INO80: variants seen among roughly 807,000 people sequenced by gnomAD.
INO80 encodes chromatin-remodeling ATPase INO80.
INO80 carries 20 observed loss-of-function variants against 203.4 expected under a neutral mutation model. The observed-to-expected ratio is 0.10, with a 90% CI of 0.07 to 0.14. The LOEUF is 0.14. Among genes scored for constraint, INO80 ranks in the 10% least tolerant of loss-of-function variants. The pLI is 1.00. For missense variants in INO80, 1,419 were observed against 1,914.4 expected (o/e 0.74, Z 4.83); for synonymous variants, 726 against 685.2 (o/e 1.06, Z -0.93).
chr15:41,062,986 C>T (rs2045140154), intron 14 of INO80, among the ~76,000 whole-genome samples: 1 of 152,030 alleles, frequency 6.6e-6, no homozygotes, highest in African/African-American at 2.4e-5. Flanking sequence ...AGGAGAGAAC[C>T]AAAACACTGG....
At chr15:41,003,175 G>GA (rs1230573407) in intron 28 of INO80, among the ~76,000 whole-genome samples, 1 of 151,838 alleles carries the variant, frequency 6.6e-6, no homozygotes, top group Non-Finnish European at 1.5e-5. Context: ...AATGATATAT[G>GA]AAAATGGTTA....
At chr15:41,070,762 A>G (rs7172555) in intron 12 of INO80, among the ~76,000 whole-genome samples, 18,056 of 152,270 alleles carry the variant, frequency 0.12, 3,192 homozygotes, top group African/African-American at 0.39. Context: ...GGCAAGGCCA[A>G]TCTGTTAGCT....
intron 1 of INO80, among the ~76,000 whole-genome samples, chr15:41,106,630 A>C (rs1222236555): frequency 2.0e-5 from 3 of 152,146 alleles, no homozygotes; most frequent in Non-Finnish European, 4.4e-5. Flanking sequence ...CCCTGTCTCA[A>C]CAAAAAAAAA....
At chr15:41,027,970 T>C (rs903315200) in intron 24 of INO80, 16 of 296,268 alleles carry the variant, frequency 5.4e-5, no homozygotes, top group Non-Finnish European at 9.3e-5. Context: ...TTTATAATTC[T>C]ACCTTTTTCT....
intron 1 of INO80, among the ~76,000 whole-genome samples, chr15:41,102,223 C>T (rs73399100): frequency 0.052 from 7,918 of 152,144 alleles, 603 homozygotes; most frequent in African/African-American, 0.16. Context: ...TCTTATGTCA[C>T]TTATTATGGG....
At chr15:40,990,039 AAAT>A (rs1213249527) in intron 29 of INO80, among the ~76,000 whole-genome samples, 1 of 152,118 alleles carries the variant, frequency 6.6e-6, no homozygotes, top group Non-Finnish European at 1.5e-5. Flanking sequence ...TTCCTATTAG[AAAT>A]AATAATGGCT....
chr15:41,070,252 G>A (rs1156486210), intron 13 of INO80, among the ~76,000 whole-genome samples: 2 of 152,222 alleles, frequency 1.3e-5, no homozygotes, highest in Non-Finnish European at 2.9e-5. Context: ...GCGGAAAGGA[G>A]TGTCTCAAAA....
intron 9 of INO80, among the ~76,000 whole-genome samples, chr15:41,076,046 A>C (rs961587263): frequency 2.6e-5 from 4 of 152,222 alleles, no homozygotes; most frequent in Non-Finnish European, 2.9e-5. Flanking sequence ...ACAGGAAGGA[A>C]CAAAATACTC....
chr15:40,990,592 G>A (rs556992813), intron 29 of INO80, among the ~76,000 whole-genome samples: 4 of 152,300 alleles, frequency 2.6e-5, no homozygotes, highest in Admixed American at 6.5e-5. Flanking sequence ...AACTGCTGGC[G>A]AAAGAAAGTC....
intron 29 of INO80, among the ~76,000 whole-genome samples, chr15:40,989,367 T>G (rs1259358865): frequency 6.6e-6 from 1 of 152,166 alleles, no homozygotes; most frequent in East Asian, 1.9e-4. Flanking sequence ...ACTAAGTGAG[T>G]GATCCTAAAA....
intron 12 of INO80, among the ~76,000 whole-genome samples, chr15:41,071,448 C>CTTTTTTTTTTTTTTTTTTTTTTTTTTTTT: frequency 1.1e-5 from 1 of 87,062 alleles, no homozygotes; most frequent in Non-Finnish European, 2.2e-5. Flanking sequence ...TACTCATTTC[C>CTTTTTTTTTTTTTTTTTTTTTTTTTTTTT]TTTTTTTTTT....
intron 9 of INO80, among the ~76,000 whole-genome samples, chr15:41,078,044 C>T (rs562901737): frequency 2.0e-5 from 3 of 151,904 alleles, no homozygotes; most frequent in Admixed American, 6.6e-5. Flanking sequence ...AGATTACAGG[C>T]GGCCGCCACC....
At chr15:41,055,943 T>TG (rs1172532415) in intron 17 of INO80, among the ~76,000 whole-genome samples, 2 of 108,616 alleles carry the variant, frequency 1.8e-5, no homozygotes, top group African/African-American at 3.1e-5. Context: ...TTTCTTCTTT[T>TG]GGTTTTTTTT....
At chr15:41,084,457 G>A (rs1245729340) in intron 7 of INO80, among the ~76,000 whole-genome samples, 3 of 152,124 alleles carry the variant, frequency 2.0e-5, no homozygotes, top group Non-Finnish European at 4.4e-5. Flanking sequence ...TACTTGGAAG[G>A]CTAAGGAAGG....
chr15:41,049,140 T>C (rs748567887), intron 21 of INO80, 147 bp downstream of exon 21: 7 of 637,650 alleles, frequency 1.1e-5, no homozygotes, highest in Non-Finnish European at 1.5e-5. Flanking sequence ...ATTCCTTCCA[T>C]AAGATCCCTC....
At chr15:41,074,652 A>T (rs1313866595) in intron 9 of INO80, 87 bp from the exon 10 acceptor site, 3 of 865,272 alleles carry the variant, frequency 3.5e-6, no homozygotes, top group Admixed American at 2.9e-5. Context: ...ATTTGCATAC[A>T]ATTCCTTTAC....
chr15:41,014,323 T>C (rs906324489), intron 27 of INO80, among the ~76,000 whole-genome samples: 1 of 152,200 alleles, frequency 6.6e-6, no homozygotes, highest in Non-Finnish European at 1.5e-5. Flanking sequence ...TGTTAGCAGC[T>C]GAAGATCACT....
chr15:41,105,772 CTT>C (rs546392788), intron 1 of INO80, among the ~76,000 whole-genome samples: 64 of 152,282 alleles, frequency 4.2e-4, no homozygotes, highest in Admixed American at 1.2e-3. Flanking sequence ...CCACTGGAAA[CTT>C]TCAGTTGGTT....
rs554134669 is a variant in INO80, at chr15:41,042,718, C to A, written c.2907+2186G>T. On this transcript the variant is annotated intron_variant, in intron 24 of 35. Coordinates refer to ENST00000648947, the MANE Select transcript of INO80 (RefSeq NM_017553.3). The stretch of plus-strand genomic sequence containing the variant: ...TGAACTCCTGACCTCAAGGGATCCG[C>A]CTGCCTCGGACTCAAAAAGTGCTGG... Among the ~76,000 whole-genome samples, 9 of 152,310 alleles carry A rather than the reference C, an allele frequency of 5.9e-5. No homozygotes were observed. In the East Asian group the frequency reaches 9.6e-4, roughly 16 times the overall value.
Sources: gnomAD v4.1 joint callset for allele counts (sites outside exome capture counted in the v4.1 genomes callset) on GRCh38, gnomAD v4.1.1 for gene constraint, MANE v1.5 for transcripts, NCBI Gene and HGNC (gene_info 2026-07-23, HGNC 2026-07-21) for gene names.